PLEKHG1: variants seen among roughly 807,000 people sequenced by gnomAD.
PLEKHG1 encodes the protein pleckstrin homology domain-containing family G member 1.
Under a neutral mutation model 100.8 loss-of-function variants are expected in PLEKHG1, and 44 were observed. The observed-to-expected ratio is 0.44, with a 90% CI of 0.34 to 0.56. The LOEUF is 0.56. Among genes scored for constraint, PLEKHG1 ranks in the 20% least tolerant of loss-of-function variants. The pLI, the probability that PLEKHG1 is intolerant of heterozygous loss-of-function variation, is 0.01. For synonymous variants in PLEKHG1, 640 were observed against 662.5 expected, an observed-to-expected ratio of 0.97 and a Z score of 0.52; for missense variants, 1,545 against 1,720.9, an observed-to-expected ratio of 0.90 and a Z score of 1.81.
chr6:150,713,845 A>G (rs1254271050), intron 3 of PLEKHG1, among the ~76,000 whole-genome samples: 2 of 152,198 alleles, frequency 1.3e-5, no homozygotes, highest in Non-Finnish European at 2.9e-5. Context: ...AGGAAAGGCT[A>G]GCAACTGGAG....
chr6:150,684,033 T>C (rs894341134), intron 3 of PLEKHG1, among the ~76,000 whole-genome samples: 1 of 152,178 alleles, frequency 6.6e-6, no homozygotes, highest in Non-Finnish European at 1.5e-5. Context: ...TGGGACTGTC[T>C]TCACCCAACA....
intron 15 of PLEKHG1, among the ~76,000 whole-genome samples, chr6:150,834,747 A>G (rs1583222205): frequency 6.6e-6 from 1 of 152,092 alleles, no homozygotes; most frequent in African/African-American, 2.4e-5. Context: ...CTTTCTTGAC[A>G]TGGTGGGCTC....
At chr6:150,671,739 A>G (rs1002863060) in intron 3 of PLEKHG1, among the ~76,000 whole-genome samples, 7 of 152,364 alleles carry the variant, frequency 4.6e-5, no homozygotes, top group Non-Finnish European at 7.3e-5. Context: ...TTCTAGTCAC[A>G]GGAAAAGACT....
chr6:150,820,123 C>T (rs1776213235), intron 12 of PLEKHG1, among the ~76,000 whole-genome samples: 3 of 151,800 alleles, frequency 2.0e-5, no homozygotes, highest in African/African-American at 7.2e-5. Flanking sequence ...GCAGGAGAAT[C>T]GCTTGAACCC....
intron 10 of PLEKHG1, among the ~76,000 whole-genome samples, chr6:150,817,750 G>T (rs1476613318): frequency 1.3e-5 from 2 of 151,944 alleles, no homozygotes; most frequent in African/African-American, 4.8e-5. Context: ...TAGAGACGGG[G>T]TTTCACCATA....
intron 1 of PLEKHG1, among the ~76,000 whole-genome samples, chr6:150,614,661 C>T (rs11754524): frequency 0.29 from 43,406 of 152,006 alleles, 6,332 homozygotes; most frequent in South Asian, 0.36. Context: ...CCAGACCCTC[C>T]GTCCACACTC....
intron 5 of PLEKHG1, among the ~76,000 whole-genome samples, chr6:150,797,793 C>T (rs1786435208): frequency 8.1e-6 from 1 of 124,180 alleles, no homozygotes; most frequent in Non-Finnish European, 1.6e-5. Flanking sequence ...TGAGATAGCA[C>T]CACTGCACTC....
chr6:150,644,332 G>GGGTTTT, intron 2 of PLEKHG1, among the ~76,000 whole-genome samples: 1 of 96,560 alleles, frequency 1.0e-5, no homozygotes, highest in East Asian at 2.8e-4. Flanking sequence ...TTTTCTTTTC[G>GGGTTTT]TGTTTTTTTT....
chr6:150,607,799 A>G (rs1776663488), intron 1 of PLEKHG1, among the ~76,000 whole-genome samples: 1 of 152,184 alleles, frequency 6.6e-6, no homozygotes, highest in Non-Finnish European at 1.5e-5. Context: ...CAGGGTAATG[A>G]GATGGTCAGG....
chr6:150,643,735 G>A (rs746604873), intron 2 of PLEKHG1, among the ~76,000 whole-genome samples: 10 of 152,008 alleles, frequency 6.6e-5, no homozygotes, highest in Admixed American at 1.3e-4. Context: ...CGTAATGCCC[G>A]GCTCATACCA....
intron 1 of PLEKHG1, chr6:150,624,582 T>C (rs1468315680): frequency 6.6e-6 from 1 of 152,232 alleles, no homozygotes; most frequent in Non-Finnish European, 1.5e-5. Flanking sequence ...CAGTTCTTCA[T>C]CCTTACTTCC....
exon 16 of PLEKHG1, chr6:150,843,449 A>G (rs993047906): frequency 1.3e-5 from 2 of 152,252 alleles, no homozygotes; most frequent in Admixed American, 6.5e-5. Flanking sequence ...GGGGATGTAT[A>G]TAACGAGGAA....
intron 3 of PLEKHG1, among the ~76,000 whole-genome samples, chr6:150,666,974 G>A (rs1174248536): frequency 6.6e-6 from 1 of 152,060 alleles, no homozygotes; most frequent in Non-Finnish European, 1.5e-5. Flanking sequence ...TAGCCAGGAT[G>A]GTCTCGATCT....
At chr6:150,829,565 C>A (rs1196057495) in intron 14 of PLEKHG1, among the ~76,000 whole-genome samples, 1 of 152,082 alleles carries the variant, frequency 6.6e-6, no homozygotes, top group African/African-American at 2.4e-5. Context: ...TTGCAGTGAG[C>A]CAAGATCATG....
chr6:150,686,123 G>A (rs1396043139), intron 3 of PLEKHG1, among the ~76,000 whole-genome samples: 1 of 152,254 alleles, frequency 6.6e-6, no homozygotes, highest in African/African-American at 2.4e-5. Flanking sequence ...CGGGAGCAGT[G>A]TTGTGTATGA....
At chr6:150,745,723 G>A (rs1207645943) in intron 2 of PLEKHG1, among the ~76,000 whole-genome samples, 1 of 151,054 alleles carries the variant, frequency 6.6e-6, no homozygotes, top group Non-Finnish European at 1.5e-5. Context: ...GAGAAAAATG[G>A]GGTACCAAGA....
At chr6:150,792,457 G>A (rs986616976) in intron 4 of PLEKHG1, among the ~76,000 whole-genome samples, 1 of 151,440 alleles carries the variant, frequency 6.6e-6, no homozygotes, top group South Asian at 2.1e-4. Context: ...GCGATCACCT[G>A]AAGTCGGGAG....
intron 2 of PLEKHG1, among the ~76,000 whole-genome samples, chr6:150,641,864 GAT>G (rs1196130903): frequency 2.1e-5 from 2 of 95,946 alleles, no homozygotes; most frequent in Admixed American, 1.6e-4. Flanking sequence ...TTACTTGACT[GAT>G]GTGAAAAGGC....
upstream of PLEKHG1, among the ~76,000 whole-genome samples, chr6:150,719,554 C>T (rs1354849309): frequency 2.0e-5 from 3 of 152,204 alleles, no homozygotes; most frequent in Non-Finnish European, 2.9e-5. Context: ...ACCACATGAT[C>T]CTTACTCTAA....
Sources: allele counts gnomAD v4.1 joint callset (sites outside exome capture counted in the v4.1 genomes callset), GRCh38; gene constraint gnomAD v4.1.1; transcripts MANE v1.5; gene names NCBI Gene and HGNC (gene_info 2026-07-23, HGNC 2026-07-21).